CNTN4: variants seen among roughly 807,000 people sequenced by gnomAD.
The protein encoded by CNTN4 is contactin 4, also known as contactin-4.
In CNTN4, 77 loss-of-function variants were observed where a neutral mutation model predicts 122.5. The ratio of observed to expected loss-of-function variants is 0.63; its 90% CI spans 0.52 to 0.76. The LOEUF is 0.76. Among genes scored for constraint, CNTN4 ranks in the 30% least tolerant of loss-of-function variants. The pLI, the probability that CNTN4 is intolerant of heterozygous loss-of-function variation, is 0.00. For synonymous variants in CNTN4, 512 were observed against 447.0 expected, an observed-to-expected ratio of 1.15 and a Z score of -1.83; for missense variants, 1,256 against 1,259.1, an observed-to-expected ratio of 1.00 and a Z score of 0.04.
intron 2 of CNTN4, among the ~76,000 whole-genome samples, chr3:2,167,239 C>T (rs9874756): frequency 0.066 from 9,999 of 151,996 alleles, 388 homozygotes; most frequent in Middle Eastern, 0.13. Flanking sequence ...ATTATATCTG[C>T]AGCTCTTGGC....
chr3:3,042,051 G>T (rs575057028), intron 20 of CNTN4, among the ~76,000 whole-genome samples: 1 of 152,274 alleles, frequency 6.6e-6, no homozygotes, highest in South Asian at 2.1e-4. Context: ...GGAATTGCTG[G>T]CTATGAAAAC....
chr3:2,744,584 G>A (rs2089653393), intron 5 of CNTN4, among the ~76,000 whole-genome samples: 1 of 152,188 alleles, frequency 6.6e-6, no homozygotes, highest in Admixed American at 6.5e-5. Flanking sequence ...TTAATATTCT[G>A]TGTAAGAGTT....
chr3:2,313,450 A>G (rs973297791), intron 2 of CNTN4, among the ~76,000 whole-genome samples: 12 of 152,076 alleles, frequency 7.9e-5, no homozygotes, highest in African/African-American at 2.4e-4. Flanking sequence ...TAATGGATAA[A>G]CCACTTTAAA....
intron 2 of CNTN4, among the ~76,000 whole-genome samples, chr3:2,283,229 TG>T (rs1260902770): frequency 1.3e-5 from 2 of 152,112 alleles, no homozygotes; most frequent in Non-Finnish European, 2.9e-5. Flanking sequence ...AAGAAATTGG[TG>T]GAAATTATTT....
chr3:2,672,727 C>T (rs746000509), intron 4 of CNTN4, among the ~76,000 whole-genome samples: 21 of 152,180 alleles, frequency 1.4e-4, no homozygotes, highest in East Asian at 7.7e-4. Context: ...TGTTCCTATT[C>T]GGCCATCTAT....
intron 4 of CNTN4, among the ~76,000 whole-genome samples, chr3:2,575,809 CTTTTT>C (rs56303805): frequency 4.1e-4 from 42 of 101,226 alleles, no homozygotes; most frequent in African/African-American, 1.5e-3. Context: ...TCTTCTTCTT[CTTTTT>C]TTTTTTTTTT....
At chr3:2,743,386 G>A (rs2089574547) in intron 5 of CNTN4, among the ~76,000 whole-genome samples, 1 of 152,162 alleles carries the variant, frequency 6.6e-6, no homozygotes, top group African/African-American at 2.4e-5. Flanking sequence ...TCAGAGCACA[G>A]AGAATTACTG....
At chr3:2,445,349 TCCAGGTATTACCAC>T (rs2048585588) in intron 3 of CNTN4, among the ~76,000 whole-genome samples, 2 of 151,698 alleles carry the variant, frequency 1.3e-5, no homozygotes, top group African/African-American at 4.8e-5. Context: ...TCACACCACA[TCCAGGTATTACCAC>T]CTGGGAGAAG....
intron 4 of CNTN4, among the ~76,000 whole-genome samples, chr3:2,714,035 T>C (rs2087322430): frequency 6.6e-6 from 1 of 152,170 alleles, no homozygotes; most frequent in Non-Finnish European, 1.5e-5. Context: ...TCACTACCAT[T>C]GTGGATTTTA....
At chr3:2,501,362 A>G (rs1300795721) in intron 3 of CNTN4, among the ~76,000 whole-genome samples, 1 of 152,176 alleles carries the variant, frequency 6.6e-6, no homozygotes, top group Admixed American at 6.5e-5. Flanking sequence ...TCCATTTTCT[A>G]TTGCTGTTGT....
intron 2 of CNTN4, among the ~76,000 whole-genome samples, chr3:2,322,962 C>T (rs1180139368): frequency 1.3e-5 from 2 of 152,030 alleles, no homozygotes; most frequent in East Asian, 1.9e-4. Flanking sequence ...GGAGGATTAC[C>T]GAAGTTCACT....
chr3:2,830,296 C>A (rs1398205022), intron 7 of CNTN4, among the ~76,000 whole-genome samples: 1 of 151,738 alleles, frequency 6.6e-6, no homozygotes, highest in Admixed American at 6.6e-5. Context: ...TTTAAACATC[C>A]AAAAAAAATT....
chr3:2,643,408 A>G (rs2082981147), intron 4 of CNTN4, among the ~76,000 whole-genome samples: 1 of 152,046 alleles, frequency 6.6e-6, no homozygotes, highest in Non-Finnish European at 1.5e-5. Flanking sequence ...TCCTGGCCTC[A>G]ATGATCCACC....
rs373090687 is a variant in CNTN4 at position 2,709,391 on chromosome 3, T to TG, written c.56-26822dup. 1.1e-4 allele frequency among the ~76,000 whole-genome samples: 16 copies of TG among 151,880 alleles called. No individual in the cohort carries two copies. The highest frequency in any genetic ancestry group is 3.9e-4 in the African/African-American group (16 of 41,234). On this transcript the variant is annotated intron_variant, in intron 4 of 24. Coordinates refer to ENST00000418658, the MANE Select transcript of CNTN4 (RefSeq NM_175607.3). This position sits in a 1 kb window ranked among gnomAD's most constrained non-coding sequence, Gnocchi z 5.0. The stretch of plus-strand genomic sequence containing the variant: ...GTCTCACGCCTGGTTAGGATTTGAT[T>TG]GGTAAGGGTACAACCTGTGCACCAG...
intron 2 of CNTN4, among the ~76,000 whole-genome samples, chr3:2,125,880 C>T (rs780254948): frequency 7.0e-6 from 1 of 142,318 alleles, no homozygotes; most frequent in Non-Finnish European, 1.5e-5. Flanking sequence ...ATAAGTTGCT[C>T]AGTTTTTATT....
intron 2 of CNTN4, among the ~76,000 whole-genome samples, chr3:2,236,752 C>G (rs2039695733): frequency 6.6e-6 from 1 of 152,174 alleles, no homozygotes; most frequent in South Asian, 2.1e-4. Context: ...GGATGTCAGG[C>G]TCTGCACTAG....
At chr3:2,713,927 A>G (rs1034205326) in intron 4 of CNTN4, among the ~76,000 whole-genome samples, 2 of 152,220 alleles carry the variant, frequency 1.3e-5, no homozygotes, top group Non-Finnish European at 2.9e-5. Context: ...AATCCAGATG[A>G]TGATAATACC....
At chr3:2,459,518 G>A (rs1425522836) in intron 3 of CNTN4, among the ~76,000 whole-genome samples, 1 of 152,044 alleles carries the variant, frequency 6.6e-6, no homozygotes, top group Non-Finnish European at 1.5e-5. Flanking sequence ...GTCATGTATG[G>A]TATTTCAAAT....
intron 7 of CNTN4, among the ~76,000 whole-genome samples, chr3:2,837,034 G>A (rs899958549): frequency 1.3e-5 from 2 of 152,266 alleles, no homozygotes; most frequent in African/African-American, 4.8e-5. Flanking sequence ...ATACATGAAG[G>A]TTCATTATAC....
Sources: gnomAD v4.1 joint callset for allele counts (sites outside exome capture counted in the v4.1 genomes callset) on GRCh38, gnomAD v4.1.1 for gene constraint, Gnocchi (gnomAD v3.1) non-coding constraint, MANE v1.5 for transcripts, NCBI Gene and HGNC (gene_info 2026-07-23, HGNC 2026-07-21) for gene names.